Variants in GRID2 observed in about 807,000 individuals in gnomAD.
GRID2 encodes glutamate ionotropic receptor delta type subunit 2.
A neutral mutation model predicts 114.8 loss-of-function variants in GRID2; 33 were observed. The ratio of observed to expected loss-of-function variants is 0.29; its 90% CI spans 0.22 to 0.38. The LOEUF is 0.38. Among genes scored for constraint, GRID2 ranks in the 10% least tolerant of loss-of-function variants. The probability of loss-of-function intolerance (pLI) is 1.00; values close to 1 mark genes in which losing one functional copy is unlikely to be tolerated. For synonymous variants in GRID2, 505 were observed against 449.9 expected (o/e 1.12, Z -1.55); for missense variants, 1,184 against 1,257.7 (o/e 0.94, Z 0.89).
chr4:92,768,851 A>G (rs1294426673), intron 2 of GRID2, among the ~76,000 whole-genome samples: 1 of 152,140 alleles, frequency 6.6e-6, no homozygotes, highest in African/African-American at 2.4e-5. Flanking sequence ...TTCCTCCTAC[A>G]ACACATGGGA....
At chr4:93,244,593 T>C (rs1747973539) in intron 8 of GRID2, among the ~76,000 whole-genome samples, 12 of 30,302 alleles carry the variant, frequency 4.0e-4, no homozygotes, top group African/African-American at 9.4e-4. Flanking sequence ...TTATATAATC[T>C]ATTATATATT....
chr4:93,286,705 G>A (rs1579549713), intron 8 of GRID2, among the ~76,000 whole-genome samples: 1 of 145,128 alleles, frequency 6.9e-6, no homozygotes. Context: ...GTGTGTGTGT[G>A]TGTGTGTGTG....
At chr4:92,732,451 G>T (rs1323343412) in intron 2 of GRID2, among the ~76,000 whole-genome samples, 1 of 151,910 alleles carries the variant, frequency 6.6e-6, no homozygotes, top group Non-Finnish European at 1.5e-5. Flanking sequence ...TGCATTCAAA[G>T]AACTCCCAGG....
chr4:92,956,030 C>G (rs561534106), intron 2 of GRID2, among the ~76,000 whole-genome samples: 1 of 152,078 alleles, frequency 6.6e-6, no homozygotes, highest in Admixed American at 6.5e-5. Context: ...TTCTGGAGCT[C>G]TTAAAAAATA....
intron 2 of GRID2, among the ~76,000 whole-genome samples, chr4:92,618,405 A>G (rs1443415609): frequency 1.3e-5 from 2 of 151,770 alleles, no homozygotes; most frequent in African/African-American, 4.8e-5. Context: ...TGTTTTGGTT[A>G]CTACAGCTTT....
At chr4:92,912,991 A>T (rs1334440126) in intron 2 of GRID2, among the ~76,000 whole-genome samples, 2 of 151,870 alleles carry the variant, frequency 1.3e-5, no homozygotes, top group Non-Finnish European at 2.9e-5. Context: ...TTACTTCCTT[A>T]TATACAAGTA....
At chr4:93,252,329 A>ATTTTT (rs56056248) in intron 8 of GRID2, among the ~76,000 whole-genome samples, 2 of 119,736 alleles carry the variant, frequency 1.7e-5, no homozygotes, top group Admixed American at 9.4e-5. Flanking sequence ...GGAATCCTTC[A>ATTTTT]TTTTTTTTTT....
At chr4:92,905,408 G>A (rs1747871010) in intron 2 of GRID2, among the ~76,000 whole-genome samples, 2 of 149,906 alleles carry the variant, frequency 1.3e-5, no homozygotes, top group African/African-American at 5.0e-5. Context: ...ATGATTGTGA[G>A]GATAGAGTTA....
intron 2 of GRID2, among the ~76,000 whole-genome samples, chr4:92,964,587 G>T (rs1174657429): frequency 2.6e-5 from 4 of 151,968 alleles, no homozygotes; most frequent in Non-Finnish European, 5.9e-5. Context: ...AGCCCCCTTT[G>T]TCAATGCTTT....
intron 1 of GRID2, among the ~76,000 whole-genome samples, chr4:92,417,628 T>C (rs991807087): frequency 3.9e-5 from 6 of 152,178 alleles, no homozygotes; most frequent in African/African-American, 7.2e-5. Flanking sequence ...GAAATTATCA[T>C]ATTACATGCC....
intron 1 of GRID2, among the ~76,000 whole-genome samples, chr4:93,787,220 T>C (rs1734610514): frequency 6.6e-6 from 1 of 152,044 alleles, no homozygotes; most frequent in East Asian, 1.9e-4. Flanking sequence ...ACACATCCAT[T>C]GGTTGTCACA....
intron 14 of GRID2, among the ~76,000 whole-genome samples, chr4:93,703,368 A>G (rs1400205091): frequency 1.3e-5 from 2 of 152,142 alleles, no homozygotes; most frequent in Non-Finnish European, 2.9e-5. Flanking sequence ...AGTATCTATC[A>G]CCTCAAGCAT....
At chr4:92,501,836 A>G (rs1408810241) in intron 1 of GRID2, among the ~76,000 whole-genome samples, 1 of 152,192 alleles carries the variant, frequency 6.6e-6, no homozygotes, top group South Asian at 2.1e-4. Context: ...GATTGTTTAC[A>G]TATATTTGAG....
At chr4:92,872,681 C>T (rs1050034554) in intron 2 of GRID2, among the ~76,000 whole-genome samples, 1 of 152,100 alleles carries the variant, frequency 6.6e-6, no homozygotes, top group African/African-American at 2.4e-5. Context: ...CAGAAAGAAA[C>T]ATTTTATAGG....
At chr4:93,685,129 T>C (rs544425954) in intron 14 of GRID2, among the ~76,000 whole-genome samples, 75 of 152,196 alleles carry the variant, frequency 4.9e-4, no homozygotes, top group African/African-American at 1.7e-3. Context: ...CTATAAGGAC[T>C]CTGCCCAAAT....
At chr4:93,304,392 A>G (rs937984301) in intron 8 of GRID2, among the ~76,000 whole-genome samples, 1 of 151,758 alleles carries the variant, frequency 6.6e-6, no homozygotes, top group Non-Finnish European at 1.5e-5. Context: ...AACAGACAAG[A>G]CAACACCACA....
chr4:93,124,956 T>C (rs902501530), intron 4 of GRID2, among the ~76,000 whole-genome samples: 13 of 152,166 alleles, frequency 8.5e-5, no homozygotes, highest in Non-Finnish European at 1.5e-4. Flanking sequence ...TAATTAAATT[T>C]TTAGTGCCTT....
chr4:93,679,986 G>A (rs889838667), intron 14 of GRID2, among the ~76,000 whole-genome samples: 2 of 151,076 alleles, frequency 1.3e-5, no homozygotes, highest in African/African-American at 4.9e-5. Context: ...AATGAATCCA[G>A]GAGCTGGTTT....
intron 8 of GRID2, among the ~76,000 whole-genome samples, chr4:93,285,818 T>A (rs1561085961): frequency 6.6e-6 from 1 of 151,960 alleles, no homozygotes; most frequent in African/African-American, 2.4e-5. Flanking sequence ...TATACTGCTA[T>A]AGGGGTAAGA....
Sources: gnomAD v4.1 joint callset for allele counts (sites outside exome capture counted in the v4.1 genomes callset) on GRCh38, gnomAD v4.1.1 for gene constraint, MANE v1.5 for transcripts, NCBI Gene and HGNC (gene_info 2026-07-23, HGNC 2026-07-21) for gene names.